EYS: variants seen among roughly 807,000 people sequenced by gnomAD.
EYS encodes EGF-like photoreceptor maintenance factor.
Under a neutral mutation model 282.1 loss-of-function variants are expected in EYS, and 250 were observed. That is an observed-to-expected ratio of 0.89 (90% CI 0.80 to 0.98). The LOEUF (loss-of-function observed/expected upper bound fraction) is 0.98, where lower values mean the gene tolerates loss of function less well. EYS is among the 50% of genes least tolerant of loss of function. The pLI is 0.00. For missense variants in EYS, 4,016 were observed against 3,709.0 expected (o/e 1.08, Z -2.15); for synonymous variants, 1,355 against 1,282.9 (o/e 1.06, Z -1.20).
chr6:64,411,611 G>C (rs1773893227), intron 28 of EYS, among the ~76,000 whole-genome samples: 1 of 152,110 alleles, frequency 6.6e-6, no homozygotes, highest in Non-Finnish European at 1.5e-5. Flanking sequence ...GTGAGGCTGA[G>C]GCAGGATGAT....
chr6:63,917,200 A>C (rs1018834785), intron 35 of EYS, among the ~76,000 whole-genome samples: 1 of 152,266 alleles, frequency 6.6e-6, no homozygotes, highest in Non-Finnish European at 1.5e-5. Context: ...AATGCACTTC[A>C]GGATCTTGCA....
intron 2 of EYS, among the ~76,000 whole-genome samples, chr6:65,626,571 A>G (rs1032797778): frequency 5.3e-5 from 8 of 152,124 alleles, no homozygotes; most frequent in Non-Finnish European, 7.4e-5. Flanking sequence ...TTTTAAACAA[A>G]CCCTAATTTT....
intron 4 of EYS, 69 bp downstream of exon 4, chr6:65,494,594 C>T: frequency 7.2e-7 from 1 of 1,383,764 alleles, no homozygotes; most frequent in South Asian, 1.3e-5. Flanking sequence ...ACTTTGATTT[C>T]TGTTAACAGT....
At chr6:65,664,947 T>C (rs529366254) in intron 1 of EYS, among the ~76,000 whole-genome samples, 1 of 152,292 alleles carries the variant, frequency 6.6e-6, no homozygotes, top group Admixed American at 6.5e-5. Context: ...AGATGGGACA[T>C]AGCAATTCTG....
chr6:65,445,122 T>G (rs1340568890), intron 5 of EYS, among the ~76,000 whole-genome samples: 1 of 151,880 alleles, frequency 6.6e-6, no homozygotes, highest in Non-Finnish European at 1.5e-5. Flanking sequence ...ACTCCTTGGA[T>G]AGTTTTGATT....
chr6:65,160,894 T>C (rs893198731), intron 12 of EYS, among the ~76,000 whole-genome samples: 15 of 138,734 alleles, frequency 1.1e-4, no homozygotes, highest in Non-Finnish European at 1.9e-4. Flanking sequence ...CAATTTACTA[T>C]TTACTGACAT....
chr6:63,913,017 A>G (rs956925154), intron 35 of EYS, among the ~76,000 whole-genome samples: 2 of 152,200 alleles, frequency 1.3e-5, no homozygotes, highest in Non-Finnish European at 2.9e-5. Context: ...ACAGTTCTAG[A>G]TATTTAACTC....
intron 36 of EYS, among the ~76,000 whole-genome samples, chr6:63,844,893 G>A (rs1772058498): frequency 1.3e-5 from 2 of 152,148 alleles, no homozygotes; most frequent in African/African-American, 4.8e-5. Flanking sequence ...TTTTGCTTTT[G>A]TTGCAATTGC....
chr6:64,314,633 C>A (rs937135878), intron 29 of EYS, among the ~76,000 whole-genome samples: 10 of 152,112 alleles, frequency 6.6e-5, no homozygotes, highest in Non-Finnish European at 1.3e-4. Context: ...GAAACACACT[C>A]AAAACTGCAC....
At chr6:65,604,254 C>A (rs1765705885) in intron 2 of EYS, among the ~76,000 whole-genome samples, 1 of 151,850 alleles carries the variant, frequency 6.6e-6, no homozygotes, top group Non-Finnish European at 1.5e-5. Context: ...TTTCTCTCAA[C>A]TTTGCTATAA....
chr6:64,394,195 G>A (rs917454447), intron 28 of EYS, among the ~76,000 whole-genome samples: 2 of 152,104 alleles, frequency 1.3e-5, no homozygotes, highest in African/African-American at 4.8e-5. Context: ...TTGTGAAAAT[G>A]GCCATACTGC....
At chr6:64,418,648 G>A (rs17401144) in intron 28 of EYS, among the ~76,000 whole-genome samples, 1 of 152,028 alleles carries the variant, frequency 6.6e-6, no homozygotes, top group African/African-American at 2.4e-5. Flanking sequence ...ATCAGAATGG[G>A]GACTAGAAAT....
chr6:64,714,324 T>A (rs1021525983), intron 22 of EYS, among the ~76,000 whole-genome samples: 1 of 152,168 alleles, frequency 6.6e-6, no homozygotes, highest in African/African-American at 2.4e-5. Flanking sequence ...CTAATAAGTG[T>A]CTTTTCCCAG....
At chr6:65,133,738 G>T (rs1252313227) in intron 12 of EYS, among the ~76,000 whole-genome samples, 1 of 151,916 alleles carries the variant, frequency 6.6e-6, no homozygotes. Context: ...AGACCCAAAA[G>T]CAATTGCAAC....
intron 13 of EYS, among the ~76,000 whole-genome samples, chr6:65,008,962 C>T (rs2349995): frequency 5.5e-4 from 84 of 152,002 alleles, no homozygotes; most frequent in African/African-American, 1.8e-3. Flanking sequence ...TGTGATGGGG[C>T]GCTTTACTCT....
At chr6:65,399,775 C>T (rs1330593259) in intron 7 of EYS, among the ~76,000 whole-genome samples, 2 of 152,014 alleles carry the variant, frequency 1.3e-5, no homozygotes, top group African/African-American at 4.8e-5. Flanking sequence ...ATTATTGGCT[C>T]ATATTGTTAA....
At chr6:64,316,455 C>A (rs1203496445) in intron 29 of EYS, among the ~76,000 whole-genome samples, 1 of 152,076 alleles carries the variant, frequency 6.6e-6, no homozygotes, top group Non-Finnish European at 1.5e-5. Flanking sequence ...ACTGAACTCC[C>A]ATTCACAGTT....
intron 5 of EYS, among the ~76,000 whole-genome samples, chr6:65,485,945 A>G (rs537983851): frequency 7.2e-5 from 11 of 152,360 alleles, no homozygotes; most frequent in Non-Finnish European, 1.5e-4. Context: ...CAAAGGCAGG[A>G]CATCTGACAA....
intron 22 of EYS, among the ~76,000 whole-genome samples, chr6:64,640,808 T>C (rs1436171329): frequency 6.6e-6 from 1 of 152,138 alleles, no homozygotes; most frequent in African/African-American, 2.4e-5. Flanking sequence ...AAAAATAGCT[T>C]TGTATTCTTT....
Sources: gnomAD v4.1 joint callset for allele counts (sites outside exome capture counted in the v4.1 genomes callset) on GRCh38, gnomAD v4.1.1 for gene constraint, MANE v1.5 for transcripts, NCBI Gene and HGNC (gene_info 2026-07-23, HGNC 2026-07-21) for gene names.